The following PRMT9 variants were observed in gnomAD, a reference collection of about 807,000 sequenced individuals.
The protein encoded by PRMT9 is protein arginine N-methyltransferase 9.
A neutral mutation model predicts 83.2 loss-of-function variants in PRMT9; 59 were observed. That is an observed-to-expected ratio of 0.71 (90% CI 0.57 to 0.88). The LOEUF is 0.88. Among genes scored for constraint, PRMT9 ranks in the 40% least tolerant of loss-of-function variants. The pLI is 0.00. For missense variants in PRMT9, 947 were observed against 1,021.9 expected, an observed-to-expected ratio of 0.93 and a Z score of 1.00; for synonymous variants, 333 against 353.2, an observed-to-expected ratio of 0.94 and a Z score of 0.64.
chr4:147,684,079 T>C lies in PRMT9; in HGVS notation c.-92A>G, dbSNP rs1421258222. On this transcript the variant is annotated 5_prime_UTR_variant, in exon 1 of 12. Transcript: ENST00000322396. ...GCTACACTTCCAGGGACCAGACAACTGCTCAAAAAACAGCACAGCAAAGTT... is the reference window on the plus strand; with the variant it reads ...GCTACACTTCCAGGGACCAGACAACCGCTCAAAAAACAGCACAGCAAAGTT... 1 of 1,389,584 alleles carries C rather than the reference T, an allele frequency of 7.2e-7. No homozygotes were observed. The highest frequency in any genetic ancestry group is 9.9e-7 in the Non-Finnish European group (1 of 1,007,154). 86.1% of individuals were successfully genotyped at this position (1,389,584 alleles called of 1,614,324 possible). A position where few individuals can be genotyped will look rare whatever the true frequency, so the allele number is the denominator to read the frequency against.
Position 147,654,479 on chromosome 4 carries a change from C to T in PRMT9, c.1418G>A (p.Gly473Asp). The T allele has an allele frequency of 6.2e-7, 1 of 1,613,952 alleles. No individual in the cohort carries two copies. The highest frequency in any genetic ancestry group is 1.3e-5 in the African/African-American group (1 of 75,048). The change falls in exon 9 of 12, where the codon GGT becomes GAT. Residue 473 changes from glycine (G) to aspartate (D), a missense_variant. Transcript: ENST00000322396. ...TGCAACATCCATTTCACATTCCAAA[C>T]CCAAGACACTAATACTCTGGATTCT... is the stretch of plus-strand genomic sequence containing the variant. ...YLRIQSISVL[G>D]LECEMDVAKS...
intron 5 of PRMT9, among the ~76,000 whole-genome samples, chr4:147,670,124 A>G (rs1422798927): frequency 6.6e-6 from 1 of 152,128 alleles, no homozygotes; most frequent in Non-Finnish European, 1.5e-5. Context: ...ATTCAGGCAC[A>G]TAATTATACA....
chr4:147,653,942 G>C lies in PRMT9; in HGVS notation c.1955C>G (p.Ser652Ter), dbSNP rs1053963742. 2 of 1,614,176 alleles carry C rather than the reference G, an allele frequency of 1.2e-6. No individual in the cohort carries two copies. Among genetic ancestry groups the C allele is most frequent in the Non-Finnish European group, 1.7e-6 (2 of 1,180,014 alleles). ...DESAMLQRPK[S>*]DKLWSIIILD... ...TATAATTATGCTCCATAACTTGTCT[G>C]ATTTTGGCCTTTGTAACATAGCAGA... The change falls in exon 9 of 12, where the codon TCA becomes TGA. Residue 652 changes from serine to a stop codon, truncating the protein, a stop_gained. Transcript: ENST00000322396. LOFTEE classifies it high-confidence loss of function.
intron 7 of PRMT9, 148 bp from the exon 8 acceptor site, chr4:147,658,123 G>T: frequency 3.3e-6 from 2 of 603,998 alleles, no homozygotes; most frequent in Non-Finnish European, 5.9e-6. Context: ...ACCATGTAAG[G>T]CCCACTGGTT....
At chr4:147,645,515 A>C (rs939309118) in intron 9 of PRMT9, among the ~76,000 whole-genome samples, 2 of 152,226 alleles carry the variant, frequency 1.3e-5, no homozygotes, top group Non-Finnish European at 2.9e-5. Context: ...TGTGATATGT[A>C]GGGGAAAACA....
intron 7 of PRMT9, among the ~76,000 whole-genome samples, chr4:147,658,192 C>G (rs567567581): frequency 8.6e-5 from 13 of 150,956 alleles, no homozygotes; most frequent in Non-Finnish European, 1.8e-4. Context: ...AAGAATGAAG[C>G]AGATATATAT....
chr4:147,682,472 G>A (rs62344215), intron 1 of PRMT9, among the ~76,000 whole-genome samples: 8 of 151,266 alleles, frequency 5.3e-5, no homozygotes, highest in Non-Finnish European at 5.9e-5. Flanking sequence ...CACCGCGCCC[G>A]GCCTAATTTT....
chr4:147,680,295 A>T (rs371418818), intron 2 of PRMT9, 28 bp downstream of exon 2: 2 of 1,605,916 alleles, frequency 1.2e-6, no homozygotes, highest in African/African-American at 2.7e-5. Flanking sequence ...AATAATTCTT[A>T]ACAAGTAATA....
intron 9 of PRMT9, among the ~76,000 whole-genome samples, chr4:147,648,781 TTC>T (rs1491516141): frequency 6.6e-6 from 1 of 152,110 alleles, no homozygotes; most frequent in Non-Finnish European, 1.5e-5. Flanking sequence ...AATTTTTTTT[TTC>T]TCTGTTATTA....
intron 9 of PRMT9, among the ~76,000 whole-genome samples, chr4:147,647,555 CT>C (rs1276013775): frequency 2.0e-5 from 3 of 150,542 alleles, no homozygotes; most frequent in Non-Finnish European, 4.4e-5. Context: ...CGGAGTCTCA[CT>C]CTGTTGCCCA....
At chr4:147,647,401 T>A (rs996121734) in intron 9 of PRMT9, among the ~76,000 whole-genome samples, 2 of 152,090 alleles carry the variant, frequency 1.3e-5, no homozygotes, top group African/African-American at 4.8e-5. Context: ...ATCAGCAGTA[T>A]CCATTCCCTA....
At chr4:147,668,919 T>C (rs922185833) in intron 5 of PRMT9, among the ~76,000 whole-genome samples, 5 of 151,986 alleles carry the variant, frequency 3.3e-5, no homozygotes. Flanking sequence ...ACCCCATCTC[T>C]ACTAAAAACA....
chr4:147,674,728 C>G (rs1735952859), intron 2 of PRMT9, among the ~76,000 whole-genome samples: 1 of 152,210 alleles, frequency 6.6e-6, no homozygotes, highest in African/African-American at 2.4e-5. Context: ...CACCAGCACC[C>G]AAACTGATCT....
At chr4:147,669,917 G>A (rs759941138) in intron 5 of PRMT9, among the ~76,000 whole-genome samples, 4 of 152,112 alleles carry the variant, frequency 2.6e-5, no homozygotes, top group Non-Finnish European at 4.4e-5. Context: ...GGTTCAACAG[G>A]TACCTGAAAA....
At chr4:147,654,632 T>A in intron 8 of PRMT9, 66 bp from the exon 9 acceptor site, 1 of 980,694 alleles carries the variant, frequency 1.0e-6, no homozygotes, top group Non-Finnish European at 1.6e-6. Context: ...CACATAAACA[T>A]CTCCATCCTC....
At chr4:147,646,733 A>G (rs990872531) in intron 9 of PRMT9, among the ~76,000 whole-genome samples, 2 of 152,190 alleles carry the variant, frequency 1.3e-5, no homozygotes, top group African/African-American at 2.4e-5. Flanking sequence ...TGAGTGTACT[A>G]CAATTCAAAT....
intron 9 of PRMT9, among the ~76,000 whole-genome samples, chr4:147,651,433 A>G (rs1734088955): frequency 6.6e-6 from 1 of 152,248 alleles, no homozygotes; most frequent in Non-Finnish European, 1.5e-5. Flanking sequence ...GAAATGATCA[A>G]AAGAGTGAAA....
rs749278397 is a variant in PRMT9 at position 147,672,104 on chromosome 4, T to A, written c.743+855A>T. 164 of 303,452 alleles carry A rather than the reference T, an allele frequency of 5.4e-4. 1 individual carries two copies. The highest frequency in any genetic ancestry group is 1.1e-3 in the Middle Eastern group (1 of 872). The allele number at this position is 303,452 out of a possible 1,614,324, so 18.8% of individuals were successfully genotyped here. A position where few individuals can be genotyped will look rare whatever the true frequency, so the allele number is the denominator to read the frequency against. On this transcript the variant is annotated intron_variant, in intron 4 of 11. Transcript: ENST00000322396. ...TGGAACAAGACAACTGAGGACAGTG[T>A]TTTTAGTGTTTTTTTCTATAAAATG... is the stretch of plus-strand genomic sequence containing the variant.
chr4:147,640,680 A>T (rs1437074452), intron 10 of PRMT9, among the ~76,000 whole-genome samples: 1 of 152,016 alleles, frequency 6.6e-6, no homozygotes, highest in African/African-American at 2.4e-5. Context: ...AAAAAAAAGG[A>T]GTCCTCTTTC....
Sources: allele counts gnomAD v4.1 joint callset (sites outside exome capture counted in the v4.1 genomes callset), GRCh38; gene constraint gnomAD v4.1.1; transcripts MANE v1.5; gene names NCBI Gene and HGNC (gene_info 2026-07-23, HGNC 2026-07-21).